CAMSAP3: variants seen among roughly 807,000 people sequenced by gnomAD.
The protein encoded by CAMSAP3 is calmodulin-regulated spectrin-associated protein 3.
CAMSAP3 carries 34 observed loss-of-function variants against 112.5 expected under a neutral mutation model. The observed-to-expected ratio is 0.30, with a 90% confidence interval of 0.23 to 0.40. CAMSAP3 has a LOEUF of 0.40. Ranked by LOEUF, CAMSAP3 falls within the 10% of genes least tolerant of loss-of-function variation. The probability of loss-of-function intolerance (pLI) is 1.00; values close to 1 mark genes in which losing one functional copy is unlikely to be tolerated. For missense variants in CAMSAP3, 1,602 were observed against 1,770.3 expected (o/e 0.90, Z 1.71); for synonymous variants, 868 against 799.8 (o/e 1.09, Z -1.44).
rs1460903353 is a variant in CAMSAP3 at position 7,615,934 on chromosome 19, A to G, written c.3112+215A>G. ...GCCGGGCGCGGTGGCTCACGCCTGT[A>G]ATCCCAGCACTTTGGGAGGCTGAGG... On this transcript the variant is annotated intron_variant, in intron 13 of 16. Coordinates refer to ENST00000160298, the MANE Select transcript of CAMSAP3 (RefSeq NM_020902.2). This position sits in a 1 kb window ranked among gnomAD's most constrained non-coding sequence, Gnocchi z 6.5. 6.6e-6 allele frequency among the ~76,000 whole-genome samples: 1 copy of G among 152,086 alleles called. No individual in the cohort carries two copies. Among genetic ancestry groups the G allele is most frequent in the Non-Finnish European group, 1.5e-5 (1 of 67,988 alleles).
Position 7,617,319 on chromosome 19 carries a change from A to T in CAMSAP3, c.3213-7A>T. ...CCCACCTCCATCCCATCCTTCTCCC[A>T]CTGCAGGGCTCCCTCCCCGTCAGGT... On this transcript the variant is annotated splice_polypyrimidine_tract_variant and splice_region_variant and intron_variant, in intron 14 of 16. Coordinates refer to ENST00000160298, the MANE Select transcript of CAMSAP3 (RefSeq NM_020902.2). The surrounding 1 kb of genome is among the most constrained non-coding windows in gnomAD (Gnocchi z 7.5). The T allele has an allele frequency of 6.2e-7, 1 of 1,604,980 alleles. No homozygotes were observed. The highest frequency in any genetic ancestry group is 8.5e-7 in the Non-Finnish European group (1 of 1,172,410).
intron 14 of CAMSAP3, 62 bp downstream of exon 14, chr19:7,616,684 G>A (rs893344564): frequency 6.5e-6 from 8 of 1,230,068 alleles, no homozygotes; most frequent in Non-Finnish European, 9.5e-6. Context: ...CCTGGGAGGT[G>A]TGTGGGCATC....
At chr19:7,609,394 T>C (rs1408340038) in intron 5 of CAMSAP3, among the ~76,000 whole-genome samples, 1 of 150,356 alleles carries the variant, frequency 6.7e-6, no homozygotes, top group African/African-American at 2.4e-5. Context: ...ATCCCTGGGC[T>C]CAAACATCCT....
At chr19:7,601,921 G>A (rs1013129656) in intron 1 of CAMSAP3, among the ~76,000 whole-genome samples, 3 of 150,498 alleles carry the variant, frequency 2.0e-5, no homozygotes, top group Admixed American at 2.0e-4. Flanking sequence ...AAAAGTAGCC[G>A]GGCATGGTGG....
intron 2 of CAMSAP3, 59 bp from the exon 3 acceptor site, chr19:7,606,209 TGGG>T: frequency 7.4e-7 from 1 of 1,347,934 alleles, no homozygotes; most frequent in Non-Finnish European, 9.8e-7. Context: ...CCCAGGCCCT[TGGG>T]GGCCGAGGTG....
chr19:7,607,787 T>G lies in CAMSAP3; in HGVS notation c.622-339T>G, dbSNP rs758532659. 1.2e-6 allele frequency: 1 copy of G among 862,502 alleles called. No individual in the cohort carries two copies. The highest frequency in any genetic ancestry group is 1.8e-6 in the Non-Finnish European group (1 of 569,888). The allele number at this position is 862,502 out of a possible 1,614,324, so 53.4% of individuals were successfully genotyped here. A position where few individuals can be genotyped will look rare whatever the true frequency, so the allele number is the denominator to read the frequency against. ...TGGGGGCCCAGCAGGTCAGCACCCCTCCCCCTTGCTGATGGCTGCTCCTCT... is the reference window on the plus strand; with the variant it reads ...TGGGGGCCCAGCAGGTCAGCACCCCGCCCCCTTGCTGATGGCTGCTCCTCT... On this transcript the variant is annotated intron_variant, in intron 4 of 16. Transcript: ENST00000160298. This position sits in a 1 kb window ranked among gnomAD's most constrained non-coding sequence, Gnocchi z 4.9.
chr19:7,617,509 G>GCCCCCCCCCCCCCCCC lies in CAMSAP3; in HGVS notation c.3326-28_3326-27insCCCCCCCCCCCCCCCC. On this transcript the variant is annotated intron_variant, in intron 15 of 16. Transcript: ENST00000160298. This position sits in a 1 kb window ranked among gnomAD's most constrained non-coding sequence, Gnocchi z 7.5. The stretch of plus-strand genomic sequence containing the variant: ...TCCACAGCCCCTGCTCATTCCTGCT[G>GCCCCCCCCCCCCCCCC]CCCCCCACCCCCTCCCACTGCCTCA... The GCCCCCCCCCCCCCCCC allele has an allele frequency of 6.2e-7, 1 of 1,608,450 alleles. No individual in the cohort carries two copies. Among genetic ancestry groups the GCCCCCCCCCCCCCCCC allele is most frequent in the Non-Finnish European group, 8.5e-7 (1 of 1,175,022 alleles).
intron 13 of CAMSAP3, 109 bp from the exon 14 acceptor site, chr19:7,616,414 G>C: frequency 8.6e-6 from 7 of 809,654 alleles, no homozygotes; most frequent in Non-Finnish European, 1.5e-5. Flanking sequence ...GGGCCGAGGG[G>C]TCTTGGGCAG....
intron 13 of CAMSAP3, 185 bp from the exon 14 acceptor site, chr19:7,616,338 C>T (rs1046236865): frequency 7.0e-6 from 4 of 570,296 alleles, no homozygotes; most frequent in Admixed American, 2.9e-5. Flanking sequence ...CAGTGCTGCT[C>T]CCCACTTGCC....
chr19:7,610,652 C>T lies in CAMSAP3; in HGVS notation c.900+37C>T. 6.2e-7 allele frequency: 1 copy of T among 1,613,746 alleles called. No individual in the cohort carries two copies. The highest frequency in any genetic ancestry group is 8.5e-7 in the Non-Finnish European group (1 of 1,179,942). Reference sequence around the variant, plus strand: ...CTGGGGCCTCCTGGGCCGAGGCGGGCATCTGGGGCCAGGGGTCCCGTCTGC... The same window carrying T: ...CTGGGGCCTCCTGGGCCGAGGCGGGTATCTGGGGCCAGGGGTCCCGTCTGC... On this transcript the variant is annotated intron_variant, in intron 6 of 16. Coordinates refer to ENST00000160298, the MANE Select transcript of CAMSAP3 (RefSeq NM_020902.2). The surrounding 1 kb of genome is among the most constrained non-coding windows in gnomAD (Gnocchi z 4.9).
At chr19:7,616,945 T>TTTTTGTTG (rs1555763662) in intron 14 of CAMSAP3, among the ~76,000 whole-genome samples, 92 of 131,668 alleles carry the variant, frequency 7.0e-4, no homozygotes, top group African/African-American at 2.4e-3. Context: ...TTTTTTTTTT[T>TTTTTGTTG]TTTTTTTTTT....
At chr19:7,605,689 A>C (rs2030177599) in intron 2 of CAMSAP3, among the ~76,000 whole-genome samples, 1 of 124,226 alleles carries the variant, frequency 8.0e-6, no homozygotes, top group Non-Finnish European at 1.7e-5. Flanking sequence ...AAGCGCTATT[A>C]AGCCTAGTTC....
rs201698905 is a variant in CAMSAP3, at chr19:7,610,634, C to T, written c.900+19C>T. The T allele has an allele frequency of 6.3e-5, 102 of 1,613,740 alleles. No homozygotes were observed. The African/African-American group carries it at 1.3e-3, about 20-fold the overall frequency. ...ACTCAAGGTAAGGCCATCCTGGGGC[C>T]TCCTGGGCCGAGGCGGGCATCTGGG... On this transcript the variant is annotated intron_variant, in intron 6 of 16. Transcript: ENST00000160298. The surrounding 1 kb of genome is among the most constrained non-coding windows in gnomAD (Gnocchi z 4.9).
chr19:7,604,232 T>C (rs2030095454), intron 1 of CAMSAP3, among the ~76,000 whole-genome samples: 2 of 152,118 alleles, frequency 1.3e-5, no homozygotes, highest in South Asian at 2.1e-4. Flanking sequence ...CAAGCCTTCC[T>C]GGCCTTCTCC....
chr19:7,602,885 C>A (rs866971473), intron 1 of CAMSAP3, among the ~76,000 whole-genome samples: 1 of 143,308 alleles, frequency 7.0e-6, no homozygotes, highest in East Asian at 2.3e-4. Flanking sequence ...TTGGGGAGAC[C>A]GGAAGCCATG....
rs543900596 is a variant in CAMSAP3, at chr19:7,599,554, T to TCATC, written c.148+3435_148+3438dup. Among the ~76,000 whole-genome samples, 173 of 27,726 alleles carry TCATC rather than the reference T, an allele frequency of 6.2e-3. 6 individuals carry two copies. Among genetic ancestry groups the TCATC allele is most frequent in the African/African-American group, 0.019 (143 of 7,668 alleles). The allele number at this position is 27,726 out of a possible 152,430, so 18.2% of individuals were successfully genotyped here. A position where few individuals can be genotyped will look rare whatever the true frequency, so the allele number is the denominator to read the frequency against. On this transcript the variant is annotated intron_variant, in intron 1 of 16. Coordinates refer to ENST00000160298, the MANE Select transcript of CAMSAP3 (RefSeq NM_020902.2). ...TCCATCCTTCCACCCACCCATTCATTCATCCATCCATCCATCCATCCATCC... is the reference window on the plus strand; with the variant it reads ...TCCATCCTTCCACCCACCCATTCATTCATCCATCCATCCATCCATCCATCCATCC...
chr19:7,613,227 G>A, intron 11 of CAMSAP3, 64 bp downstream of exon 11: 1 of 560,604 alleles, frequency 1.8e-6, no homozygotes. Context: ...GGGGGCGGGG[G>A]GAGGTGGACA....
chr19:7,618,078 G>A lies in CAMSAP3; in HGVS notation c.*21G>A, dbSNP rs755504958. ...AATAGCCCCACCCGGGCGGTCCACG[G>A]GCCGGGCCCTGTGTGCTGCGGCCGC... is the stretch of plus-strand genomic sequence containing the variant. On this transcript the variant is annotated 3_prime_UTR_variant, in exon 17 of 17. Transcript: ENST00000160298. The A allele has an allele frequency of 1.9e-6, 3 of 1,600,600 alleles. No homozygotes were observed. The highest frequency in any genetic ancestry group is 2.7e-5 in the African/African-American group (2 of 74,692).
Position 7,617,041 on chromosome 19 carries a change from T to C in CAMSAP3, c.3213-285T>C, listed in dbSNP as rs1248534839. Among the ~76,000 whole-genome samples, 1 of 135,776 alleles carries C rather than the reference T, an allele frequency of 7.4e-6. No individual in the cohort carries two copies. Among genetic ancestry groups the C allele is most frequent in the Non-Finnish European group, 1.5e-5 (1 of 65,898 alleles). 89.1% of individuals were successfully genotyped at this position (135,776 alleles called of 152,430 possible). On this transcript the variant is annotated intron_variant, in intron 14 of 16. Coordinates refer to ENST00000160298, the MANE Select transcript of CAMSAP3 (RefSeq NM_020902.2). This position sits in a 1 kb window ranked among gnomAD's most constrained non-coding sequence, Gnocchi z 7.5. The stretch of plus-strand genomic sequence containing the variant: ...TTGGCTCACGGCAACCTCCGCCCCC[T>C]GGGTGCAAGTGATTCTCGTGCCTCA...
Sources: allele counts gnomAD v4.1 joint callset (sites outside exome capture counted in the v4.1 genomes callset), GRCh38; gene constraint gnomAD v4.1.1; non-coding constraint Gnocchi (gnomAD v3.1); transcripts MANE v1.5; gene names NCBI Gene and HGNC (gene_info 2026-07-23, HGNC 2026-07-21).